SLC23A2: variants seen among roughly 807,000 people sequenced by gnomAD.
SLC23A2 encodes the protein solute carrier family 23 member 2, also known as Na(+)/L-ascorbic acid transporter 2.
In SLC23A2, 36 loss-of-function variants were observed where a neutral mutation model predicts 73.3. The ratio of observed to expected loss-of-function variants is 0.49; its 90% CI spans 0.38 to 0.65. The LOEUF (loss-of-function observed/expected upper bound fraction) is 0.65. Among genes scored for constraint, SLC23A2 ranks in the 30% least tolerant of loss-of-function variants. The pLI, the probability that SLC23A2 is intolerant of heterozygous loss-of-function variation, is 0.00. For missense variants in SLC23A2, 507 were observed against 841.6 expected (o/e 0.60, Z 4.92); for synonymous variants, 343 against 327.3 (o/e 1.05, Z -0.52).
chr20:4,903,866 A>G (rs1391270968), intron 4 of SLC23A2, among the ~76,000 whole-genome samples: 1 of 152,242 alleles, frequency 6.6e-6, no homozygotes, highest in African/African-American at 2.4e-5. Flanking sequence ...TGAGGGGTGT[A>G]GCATGTAGTG....
chr20:4,946,115 A>T (rs567786591), intron 2 of SLC23A2, among the ~76,000 whole-genome samples: 1 of 152,302 alleles, frequency 6.6e-6, no homozygotes, highest in East Asian at 1.9e-4. Context: ...TCACTGTCTC[A>T]GTTTGTGGAC....
intron 9 of SLC23A2, among the ~76,000 whole-genome samples, chr20:4,882,362 G>A (rs748312801): frequency 2.0e-5 from 3 of 151,942 alleles, no homozygotes; most frequent in South Asian, 2.1e-4. Flanking sequence ...GCAACAGAGC[G>A]AGACTCCATT....
At position 4,988,565 on chromosome 20, in the gene SLC23A2, GTCTC is replaced by G. The variant is rs557121491; in HGVS notation, c.-282+12837_-282+12840del. ...AGCCTGGCCAACATAGTGAAACCCT[GTCTC>G]TATTAGAAATACAAAAATTTGCCAG... is the stretch of plus-strand genomic sequence containing the variant. On this transcript the variant is annotated intron_variant, in intron 1 of 16. Coordinates refer to ENST00000338244, the MANE Select transcript of SLC23A2 (RefSeq NM_005116.6). Among the ~76,000 whole-genome samples the G allele has an allele frequency of 4.0e-3, 610 of 151,706 alleles. 5 individuals are homozygous for G. The highest frequency in any genetic ancestry group is 0.014 in the African/African-American group (568 of 41,384).
intron 9 of SLC23A2, among the ~76,000 whole-genome samples, chr20:4,876,069 A>G (rs1930642942): frequency 6.6e-6 from 1 of 152,194 alleles, no homozygotes; most frequent in Non-Finnish European, 1.5e-5. Context: ...TTCAAGGTCG[A>G]AAACACACAC....
chr20:4,956,800 CTTTTT>C (rs759658782), intron 2 of SLC23A2, among the ~76,000 whole-genome samples: 1,564 of 111,902 alleles, frequency 0.014, 31 homozygotes, highest in African/African-American at 0.05. Flanking sequence ...CTTCCCTCTT[CTTTTT>C]TTTTTTTTTT....
In SLC23A2 at chr20:4,856,225, C is replaced by T. The variant is rs1600066650; in HGVS notation, c.*747G>A. 1 of 152,150 alleles carries T rather than the reference C, an allele frequency of 6.6e-6. No individual in the cohort carries two copies. The highest frequency in any genetic ancestry group is 2.1e-4 in the South Asian group (1 of 4,824). The allele number at this position is 152,150 out of a possible 1,614,324, so 9.4% of individuals were successfully genotyped here. On this transcript the variant is annotated 3_prime_UTR_variant, in exon 17 of 17. Transcript: ENST00000338244. The surrounding 1 kb of genome is among the most constrained non-coding windows in gnomAD (Gnocchi z 4.6). ...TAAATGCCAGAGAGGGTGTCTCGGC[C>T]ACTAGTGAAATGAAAAGAGGCCAGT...
At chr20:4,866,389 C>A (rs1336608049) in intron 13 of SLC23A2, among the ~76,000 whole-genome samples, 1 of 152,232 alleles carries the variant, frequency 6.6e-6, no homozygotes, top group Non-Finnish European at 1.5e-5. Context: ...TATATGCCTG[C>A]AAGCTCATGG....
At chr20:4,915,426 T>C (rs543963126) in intron 3 of SLC23A2, among the ~76,000 whole-genome samples, 1 of 152,320 alleles carries the variant, frequency 6.6e-6, no homozygotes, top group Non-Finnish European at 1.5e-5. Context: ...GCCAACTTTT[T>C]CCCCTTTTTA....
chr20:4,938,277 C>G (rs2086990847), intron 2 of SLC23A2, among the ~76,000 whole-genome samples: 1 of 151,688 alleles, frequency 6.6e-6, no homozygotes, highest in African/African-American at 2.4e-5. Context: ...CTCAGCCTCC[C>G]AAAGTGCAGG....
intron 8 of SLC23A2, among the ~76,000 whole-genome samples, chr20:4,884,309 A>C (rs748050146): frequency 5.3e-5 from 8 of 152,210 alleles, no homozygotes; most frequent in Non-Finnish European, 1.0e-4. Context: ...ACGTTTTGGA[A>C]AATATTAATA....
intron 2 of SLC23A2, among the ~76,000 whole-genome samples, chr20:4,961,651 A>G (rs1357499564): frequency 1.3e-5 from 2 of 152,150 alleles, no homozygotes; most frequent in African/African-American, 2.4e-5. Flanking sequence ...TTTATTTCAG[A>G]TAAGGACAGG....
At chr20:4,975,740 T>A (rs1435448105) in intron 1 of SLC23A2, among the ~76,000 whole-genome samples, 1 of 151,736 alleles carries the variant, frequency 6.6e-6, no homozygotes, top group African/African-American at 2.4e-5. Context: ...CTGGTTTTGA[T>A]CTTGATTTCT....
intron 5 of SLC23A2, among the ~76,000 whole-genome samples, chr20:4,900,498 T>C (rs1017600822): frequency 6.6e-6 from 1 of 152,232 alleles, no homozygotes; most frequent in African/African-American, 2.4e-5. Flanking sequence ...TATACAGAAT[T>C]TTGCATCTAC....
Position 4,862,707 on chromosome 20 carries a change from C to T in SLC23A2, c.1486+71G>A. 7.2e-7 allele frequency: 1 copy of T among 1,381,174 alleles called. No homozygotes were observed. 85.6% of individuals were successfully genotyped at this position (1,381,174 alleles called of 1,614,324 possible). ...TCGTTACCTTCTTACTGAAGGGAGT[C>T]AGCAAAAACACCATGACCCCTATTA... On this transcript the variant is annotated intron_variant, in intron 14 of 16. Transcript: ENST00000338244. This position sits in a 1 kb window ranked among gnomAD's most constrained non-coding sequence, Gnocchi z 5.1.
rs1038919597 is a variant in SLC23A2 at position 4,980,059 on chromosome 20, A to G, written c.-281-9140T>C. ...AAAGTACTCAAACTCACTAGGTATC[A>G]AAGAAAAGCAAAATAAACATAGTGA... On this transcript the variant is annotated intron_variant, in intron 1 of 16. Transcript: ENST00000338244. Among the ~76,000 whole-genome samples, 3 of 152,210 alleles carry G rather than the reference A, an allele frequency of 2.0e-5. No individual in the cohort carries two copies. In the East Asian group the frequency reaches 5.8e-4, roughly 29 times the overall value.
chr20:4,960,319 T>C (rs2087360761), intron 2 of SLC23A2, among the ~76,000 whole-genome samples: 1 of 152,190 alleles, frequency 6.6e-6, no homozygotes, highest in South Asian at 2.1e-4. Flanking sequence ...GAGAAGAAAA[T>C]TGGTTCAAAT....
intron 4 of SLC23A2, among the ~76,000 whole-genome samples, chr20:4,903,537 T>C (rs1054422889): frequency 1.3e-5 from 2 of 152,234 alleles, no homozygotes; most frequent in African/African-American, 2.4e-5. Context: ...TGAAGAGATA[T>C]CCACATGGAA....
intron 1 of SLC23A2, among the ~76,000 whole-genome samples, chr20:4,973,182 G>C (rs1046787197): frequency 2.0e-5 from 3 of 152,208 alleles, no homozygotes. Context: ...CTTTGAAGTG[G>C]TGGGGGGACA....
chr20:4,937,940 C>G (rs150405221), intron 2 of SLC23A2, among the ~76,000 whole-genome samples: 1 of 152,172 alleles, frequency 6.6e-6, no homozygotes, highest in Non-Finnish European at 1.5e-5. Flanking sequence ...ATATGCACTT[C>G]TATTCACCTG....
Sources: gnomAD v4.1 joint callset for allele counts (sites outside exome capture counted in the v4.1 genomes callset) on GRCh38, gnomAD v4.1.1 for gene constraint, Gnocchi (gnomAD v3.1) non-coding constraint, MANE v1.5 for transcripts, NCBI Gene and HGNC (gene_info 2026-07-23, HGNC 2026-07-21) for gene names.